The following DCHS2 variants were observed in gnomAD, a reference collection of about 807,000 sequenced individuals.
The protein encoded by DCHS2 is protocadherin-23.
A neutral mutation model predicts 182.4 loss-of-function variants in DCHS2; 142 were observed. The observed-to-expected ratio is 0.78, with a 90% CI of 0.68 to 0.89. The LOEUF (loss-of-function observed/expected upper bound fraction) is 0.89, where lower values mean the gene tolerates loss of function less well. Among genes scored for constraint, DCHS2 ranks in the 40% least tolerant of loss-of-function variants. DCHS2 has a pLI of 0.00. For missense variants in DCHS2, 4,319 were observed against 4,198.6 expected (o/e 1.03, Z -0.79); for synonymous variants, 1,740 against 1,663.3 (o/e 1.05, Z -1.12).
intron 10 of DCHS2, among the ~76,000 whole-genome samples, chr4:154,307,301 T>C (rs1178956786): frequency 6.6e-6 from 1 of 152,216 alleles, no homozygotes; most frequent in African/African-American, 2.4e-5. Context: ...ATTGGAAATT[T>C]GGATCTGAAG....
At chr4:154,243,290 AAC>A (rs917231780) in intron 16 of DCHS2, among the ~76,000 whole-genome samples, 8 of 152,318 alleles carry the variant, frequency 5.3e-5, no homozygotes, top group African/African-American at 1.9e-4. Flanking sequence ...CGCTATGATG[AAC>A]ACACTTACAG....
intron 1 of DCHS2, among the ~76,000 whole-genome samples, chr4:154,382,353 T>C (rs1561080369): frequency 6.6e-6 from 1 of 152,088 alleles, no homozygotes. Flanking sequence ...TTTAAATGGA[T>C]TAAATATTTA....
intron 13 of DCHS2, among the ~76,000 whole-genome samples, chr4:154,296,486 T>C (rs920817882): frequency 6.6e-6 from 1 of 152,092 alleles, no homozygotes; most frequent in African/African-American, 2.4e-5. Context: ...GACTGACTCT[T>C]AAAGAACTTT....
At chr4:154,425,952 T>C (rs957263159) in intron 1 of DCHS2, among the ~76,000 whole-genome samples, 11 of 152,214 alleles carry the variant, frequency 7.2e-5, no homozygotes, top group Admixed American at 5.9e-4. Flanking sequence ...CACCTTTAGA[T>C]TTGGATGCTT....
intron 10 of DCHS2, 46 bp downstream of exon 10, chr4:154,315,702 A>G (rs202007992): frequency 1.9e-6 from 3 of 1,584,520 alleles, no homozygotes; most frequent in Non-Finnish European, 2.6e-6. Context: ...ATAATCTTCA[A>G]TTTCTTTTAA....
chr4:154,260,172 C>T (rs1173056683), intron 14 of DCHS2, among the ~76,000 whole-genome samples: 1 of 152,202 alleles, frequency 6.6e-6, no homozygotes, highest in South Asian at 2.1e-4. Context: ...GTGCTCACAG[C>T]TCACCTGTCC....
chr4:154,321,106 A>C lies in DCHS2; in HGVS notation c.4293T>G (p.Leu1431=), dbSNP rs1276231946. 18 of 1,607,182 alleles carry C rather than the reference A, an allele frequency of 1.1e-5. No homozygotes were observed. Among genetic ancestry groups the C allele is most frequent in the Non-Finnish European group, 1.4e-5 (16 of 1,174,606 alleles). Residue 1431 remains leucine (L), a synonymous_variant, in exon 9 of 20, where the codon CTT becomes CTG. Coordinates refer to ENST00000357232, the MANE Select transcript of DCHS2 (RefSeq NM_001358235.2). The part of the protein sequence containing the change: ...IMSLIKSSDH[L]QQHYNGKLHF... ...GTAACTTTCCATTATAATGTTGTTG[A>C]AGGTGATCAGATGACTTTATCAAGC...
chr4:154,443,364 T>C (rs890726675), intron 1 of DCHS2, among the ~76,000 whole-genome samples: 2 of 152,182 alleles, frequency 1.3e-5, no homozygotes, highest in Non-Finnish European at 2.9e-5. Flanking sequence ...AAAATAAATT[T>C]CTCTCCTGAG....
At chr4:154,357,735 C>A (rs984476831) in intron 3 of DCHS2, among the ~76,000 whole-genome samples, 11 of 152,182 alleles carry the variant, frequency 7.2e-5, no homozygotes, top group African/African-American at 2.4e-4. Context: ...CAGATGGTTG[C>A]TGATCACTTG....
chr4:154,286,108 C>T (rs1403466914), intron 13 of DCHS2, among the ~76,000 whole-genome samples: 1 of 151,908 alleles, frequency 6.6e-6, no homozygotes, highest in African/African-American at 2.4e-5. Context: ...TGGGTTATAT[C>T]CAGGACCACC....
rs139717489 is a variant in DCHS2 at position 154,476,771 on chromosome 4, C to T, written c.2052+12533G>A. On this transcript the variant is annotated intron_variant, in intron 1 of 19. Transcript: ENST00000357232. ...GTGAGGAATGCTGCAGAACATAAGA[C>T]GCATTACGTGGTATCAGGAAATGTC... Among the ~76,000 whole-genome samples, 449 of 152,254 alleles carry T rather than the reference C, an allele frequency of 2.9e-3. 2 individuals are homozygous for T. Among genetic ancestry groups the T allele is most frequent in the African/African-American group, 0.01 (417 of 41,550 alleles).
At chr4:154,241,011 G>T (rs555061361) in intron 17 of DCHS2, among the ~76,000 whole-genome samples, 188 bp from the exon 18 acceptor site, 5 of 152,250 alleles carry the variant, frequency 3.3e-5, no homozygotes, top group African/African-American at 1.2e-4. Context: ...ACCAATAAAA[G>T]TGAAAATTTA....
In DCHS2 at chr4:154,291,978, T is replaced by C. The variant is rs1430389162; in HGVS notation, c.6463+5873A>G. ...ACTGGATTGTTTGCAACACAAAGTA[T>C]ACAAGCTTGAGGAGATGGATACTCC... On this transcript the variant is annotated intron_variant, in intron 13 of 19. Coordinates refer to ENST00000357232, the MANE Select transcript of DCHS2 (RefSeq NM_001358235.2). Among the ~76,000 whole-genome samples the C allele has an allele frequency of 2.0e-5, 3 of 152,174 alleles. No individual in the cohort carries two copies. In the East Asian group the frequency reaches 5.8e-4, roughly 29 times the overall value.
intron 1 of DCHS2, among the ~76,000 whole-genome samples, chr4:154,385,809 A>T (rs1029931883): frequency 1.6e-4 from 24 of 152,072 alleles, no homozygotes; most frequent in Non-Finnish European, 3.1e-4. Flanking sequence ...TGCTGTTTTA[A>T]GCCACCAAAT....
At chr4:154,362,784 G>A (rs1730185730) in intron 3 of DCHS2, among the ~76,000 whole-genome samples, 1 of 152,032 alleles carries the variant, frequency 6.6e-6, no homozygotes, top group African/African-American at 2.4e-5. Flanking sequence ...AAGATGATGA[G>A]GATGAAGACC....
chr4:154,347,540 ACT>A (rs1329498837), intron 3 of DCHS2, among the ~76,000 whole-genome samples: 1 of 151,816 alleles, frequency 6.6e-6, no homozygotes, highest in African/African-American at 2.4e-5. Context: ...TAAACAAAGT[ACT>A]GTTGTACTAC....
intron 3 of DCHS2, among the ~76,000 whole-genome samples, chr4:154,338,765 A>G (rs928029103): frequency 5.3e-5 from 8 of 152,358 alleles, no homozygotes; most frequent in African/African-American, 1.9e-4. Context: ...TGAAGTAAAT[A>G]TACATGTTTT....
At chr4:154,265,432 T>C (rs140705771) in intron 14 of DCHS2, among the ~76,000 whole-genome samples, 1 of 152,276 alleles carries the variant, frequency 6.6e-6, no homozygotes, top group East Asian at 1.9e-4. Context: ...AAGGTAAAAG[T>C]AAATGACATA....
rs1242277233 is a variant in DCHS2 at position 154,366,411 on chromosome 4, C to T, written c.2275G>A (p.Val759Met). 3 of 1,613,698 alleles carry T rather than the reference C, an allele frequency of 1.9e-6. No individual in the cohort carries two copies. Among genetic ancestry groups the T allele is most frequent in the East Asian group, 4.5e-5 (2 of 44,812 alleles). ...TTATCATTCACGTCCTCCAGGTCCA[C>T]ACGAACAAAGGCTTGGGCACTTAGC... ...GGLSAQAFVR[V>M]DLEDVNDNHP... Residue 759 changes from valine (V) to methionine (M), a missense_variant, in exon 3 of 20, where the codon GTG becomes ATG. Val to Met is a conservative substitution (Grantham distance 21). Coordinates refer to ENST00000357232, the MANE Select transcript of DCHS2 (RefSeq NM_001358235.2).
Sources: allele counts gnomAD v4.1 joint callset (sites outside exome capture counted in the v4.1 genomes callset), GRCh38; gene constraint gnomAD v4.1.1; transcripts MANE v1.5; gene names NCBI Gene and HGNC (gene_info 2026-07-23, HGNC 2026-07-21).